Variants in NMNAT3 observed in about 807,000 individuals in gnomAD.
The protein encoded by NMNAT3 is nicotinamide/nicotinic acid mononucleotide adenylyltransferase 3.
In NMNAT3, 21 loss-of-function variants were observed where a neutral mutation model predicts 24.8. That is an observed-to-expected ratio of 0.85 (90% CI 0.60 to 1.22). NMNAT3 has a LOEUF of 1.22. Ranked by LOEUF, NMNAT3 falls within the 50% of genes most tolerant of loss-of-function variation. The pLI, the probability that NMNAT3 is intolerant of heterozygous loss-of-function variation, is 0.00. For missense variants in NMNAT3, 387 were observed against 436.6 expected (o/e 0.89, Z 1.01); for synonymous variants, 136 against 155.2 (o/e 0.88, Z 0.92).
At chr3:139,594,084 AAGAG>A (rs921087983) in intron 3 of NMNAT3, among the ~76,000 whole-genome samples, 5 of 152,210 alleles carry the variant, frequency 3.3e-5, no homozygotes, top group Non-Finnish European at 4.4e-5. Flanking sequence ...TAAAGAAAAA[AAGAG>A]AGAATAATCA....
chr3:139,585,062 G>A (rs907851312), intron 3 of NMNAT3, among the ~76,000 whole-genome samples: 4 of 151,700 alleles, frequency 2.6e-5, no homozygotes, highest in Admixed American at 1.3e-4. Flanking sequence ...TGCTGTTGTT[G>A]GATGATGGAG....
At chr3:139,635,663 C>A (rs2056473102) in intron 2 of NMNAT3, 2 of 152,224 alleles carry the variant, frequency 1.3e-5, no homozygotes, top group Admixed American at 1.3e-4. Flanking sequence ...TAAATAAAAT[C>A]TGTTCCTGTC....
At chr3:139,648,813 C>T (rs2056958668) in intron 1 of NMNAT3, among the ~76,000 whole-genome samples, 1 of 152,134 alleles carries the variant, frequency 6.6e-6, no homozygotes, top group South Asian at 2.1e-4. Context: ...CGTACTTCTA[C>T]ATATACCGAT....
intron 5 of NMNAT3, among the ~76,000 whole-genome samples, chr3:139,574,627 G>A (rs1939018449): frequency 6.6e-6 from 1 of 152,116 alleles, no homozygotes; most frequent in African/African-American, 2.4e-5. Flanking sequence ...TGCCTGGTGG[G>A]AAAAGCATAT....
chr3:139,613,125 T>A (rs891317440), intron 3 of NMNAT3, among the ~76,000 whole-genome samples: 2 of 152,012 alleles, frequency 1.3e-5, no homozygotes, highest in African/African-American at 4.8e-5. Context: ...AAAGCAAAAA[T>A]TGACAAATGG....
chr3:139,641,665 T>G (rs201712936), intron 1 of NMNAT3, among the ~76,000 whole-genome samples: 1 of 152,280 alleles, frequency 6.6e-6, no homozygotes, highest in South Asian at 2.1e-4. Context: ...ATCCAACTCA[T>G]GAGAATTCAC....
chr3:139,581,177 G>T (rs932860330), intron 4 of NMNAT3, among the ~76,000 whole-genome samples: 2 of 152,106 alleles, frequency 1.3e-5, no homozygotes, highest in Admixed American at 1.3e-4. Flanking sequence ...GACTACTCTA[G>T]ATTAAAAGAG....
At chr3:139,569,409 C>T (rs1004973371) in intron 6 of NMNAT3, 13 of 152,124 alleles carry the variant, frequency 8.5e-5, no homozygotes, top group African/African-American at 2.9e-4. Flanking sequence ...TTATTTTGCT[C>T]GTTAGTTGAT....
chr3:139,639,635 A>C (rs1454550834), intron 1 of NMNAT3, among the ~76,000 whole-genome samples: 1 of 152,212 alleles, frequency 6.6e-6, no homozygotes, highest in Non-Finnish European at 1.5e-5. Flanking sequence ...TCCTGTGGGA[A>C]TTGTAGCTCA....
At chr3:139,657,732 T>G (rs1393057297) in intron 1 of NMNAT3, among the ~76,000 whole-genome samples, 1 of 151,342 alleles carries the variant, frequency 6.6e-6, no homozygotes, top group Non-Finnish European at 1.5e-5. Flanking sequence ...GGAAGTCATG[T>G]TGTGGGGGAT....
At chr3:139,575,613 T>G in intron 5 of NMNAT3, 4 of 1,011,398 alleles carry the variant, frequency 4.0e-6, no homozygotes, top group Non-Finnish European at 4.7e-6. Context: ...TTGACCCTAC[T>G]TTGAATATTA....
intron 3 of NMNAT3, among the ~76,000 whole-genome samples, chr3:139,616,408 C>T (rs1000918635): frequency 2.0e-5 from 3 of 152,112 alleles, no homozygotes; most frequent in South Asian, 2.1e-4. Flanking sequence ...CCTCAGGGCT[C>T]GTCTCTCCTT....
At chr3:139,655,872 T>C (rs931258595) in intron 1 of NMNAT3, among the ~76,000 whole-genome samples, 2 of 152,228 alleles carry the variant, frequency 1.3e-5, no homozygotes, top group Non-Finnish European at 2.9e-5. Context: ...GAATTGCTGC[T>C]TTTGAGGGTT....
At chr3:139,588,945 A>G (rs995757332) in intron 3 of NMNAT3, among the ~76,000 whole-genome samples, 1 of 152,182 alleles carries the variant, frequency 6.6e-6, no homozygotes, top group Non-Finnish European at 1.5e-5. Context: ...GGGCCTGACC[A>G]TATAACCATG....
chr3:139,623,278 A>G lies in NMNAT3; in HGVS notation c.109+4338T>C, dbSNP rs1209433033. Among the ~76,000 whole-genome samples the G allele has an allele frequency of 2.0e-5, 3 of 152,190 alleles. No homozygotes were observed. In the South Asian group the frequency reaches 6.2e-4, roughly 31 times the overall value. On this transcript the variant is annotated intron_variant, in intron 3 of 6. Transcript: ENST00000643695. Reference sequence around the variant, plus strand: ...CACACAGATTAGCCAAGGCCTACACATGATCAGGATCATCAATATCACCAT... The same window carrying G: ...CACACAGATTAGCCAAGGCCTACACGTGATCAGGATCATCAATATCACCAT...
At chr3:139,663,704 T>C (rs2057491138) in intron 1 of NMNAT3, among the ~76,000 whole-genome samples, 1 of 152,118 alleles carries the variant, frequency 6.6e-6, no homozygotes, top group Non-Finnish European at 1.5e-5. Flanking sequence ...CATCTGGGCC[T>C]CCCTCTAACT....
chr3:139,624,744 A>T (rs958107283), intron 3 of NMNAT3, among the ~76,000 whole-genome samples: 3 of 152,180 alleles, frequency 2.0e-5, no homozygotes, highest in African/African-American at 7.2e-5. Context: ...CCACCGCGCC[A>T]TGCGGAGACT....
intron 3 of NMNAT3, among the ~76,000 whole-genome samples, chr3:139,587,305 G>A (rs2053977974): frequency 6.6e-6 from 1 of 152,192 alleles, no homozygotes; most frequent in South Asian, 2.1e-4. Context: ...GGTATAGGGA[G>A]TACAGTCCAA....
intron 3 of NMNAT3, among the ~76,000 whole-genome samples, chr3:139,611,755 C>T (rs2055226397): frequency 1.3e-5 from 2 of 152,190 alleles, no homozygotes; most frequent in Non-Finnish European, 2.9e-5. Context: ...CCTCCTGTAT[C>T]CTGCCCGTGA....
Sources: gnomAD v4.1 joint callset for allele counts (sites outside exome capture counted in the v4.1 genomes callset) on GRCh38, gnomAD v4.1.1 for gene constraint, MANE v1.5 for transcripts, NCBI Gene and HGNC (gene_info 2026-07-23, HGNC 2026-07-21) for gene names.